Variants in EPB41L2 observed in about 807,000 individuals in gnomAD.
EPB41L2 encodes the protein erythrocyte membrane protein band 4.1 like 2.
EPB41L2 carries 43 observed loss-of-function variants against 113.0 expected under a neutral mutation model. That is an observed-to-expected ratio of 0.38 (90% CI 0.30 to 0.49). EPB41L2 has a LOEUF of 0.49. Among genes scored for constraint, EPB41L2 ranks in the 20% least tolerant of loss-of-function variants. EPB41L2 has a pLI of 0.95. For synonymous variants in EPB41L2, 442 were observed against 436.7 expected, an observed-to-expected ratio of 1.01 and a Z score of -0.15; for missense variants, 1,147 against 1,223.4, an observed-to-expected ratio of 0.94 and a Z score of 0.93.
chr6:131,060,144 C>A (rs770331325), intron 1 of EPB41L2, among the ~76,000 whole-genome samples: 3 of 152,170 alleles, frequency 2.0e-5, no homozygotes, highest in Non-Finnish European at 4.4e-5. Context: ...TACAGGCGTG[C>A]GCCACCATGC....
In EPB41L2 at chr6:130,956,635, T is replaced by C. The variant is rs973690055; in HGVS notation, c.-14-136A>G. 1.3e-5 allele frequency: 11 copies of C among 840,306 alleles called. No individual in the cohort carries two copies. The African/African-American group carries it at 1.7e-4, about 13-fold the overall frequency. The allele number at this position is 840,306 out of a possible 1,614,324, so 52.1% of individuals were successfully genotyped here. ...GGAGAAAGCACATCAAGAAAGAAGATTCAAAAGCACAAGACAAAATGGAGA... is the reference window on the plus strand; with the variant it reads ...GGAGAAAGCACATCAAGAAAGAAGACTCAAAAGCACAAGACAAAATGGAGA... On this transcript the variant is annotated intron_variant, in intron 1 of 19. Transcript: ENST00000337057.
At position 130,899,529 on chromosome 6, in the gene EPB41L2, T is replaced by A; in HGVS notation, c.1198A>T (p.Arg400Trp). ...ADSQFLENAK[R>W]LSMYGVDLHH... ...AGGTCAACACCATACATGGAAAGCC[T>A]CTTTGCATTTTCTAAGAACTGGGAA... Residue 400 changes from arginine (R) to tryptophan (W), a missense_variant, in exon 8 of 20, where the codon AGG (arginine) becomes TGG (tryptophan). Transcript: ENST00000337057. 6.2e-7 allele frequency: 1 copy of A among 1,614,010 alleles called. No homozygotes were observed. Among genetic ancestry groups the A allele is most frequent in the Non-Finnish European group, 8.5e-7 (1 of 1,179,876 alleles).
chr6:131,024,524 T>C (rs2007339), intron 1 of EPB41L2, among the ~76,000 whole-genome samples: 121,650 of 152,098 alleles, frequency 0.8, 49,043 homozygotes, highest in African/African-American at 0.88. Context: ...CAAAGCACCA[T>C]ATCAACCACA....
At chr6:130,958,768 G>T (rs1264351660) in intron 1 of EPB41L2, among the ~76,000 whole-genome samples, 2 of 152,162 alleles carry the variant, frequency 1.3e-5, no homozygotes, top group African/African-American at 4.8e-5. Flanking sequence ...TAATAATGAA[G>T]TAAGAAAGGA....
chr6:130,951,845 G>C (rs1815227700), intron 3 of EPB41L2, among the ~76,000 whole-genome samples: 1 of 151,752 alleles, frequency 6.6e-6, no homozygotes. Flanking sequence ...CTGTAGTATG[G>C]TTCTACCATG....
Position 130,955,434 on chromosome 6 carries a change from C to G in EPB41L2, c.493-117G>C. On this transcript the variant is annotated intron_variant, in intron 2 of 19. Transcript: ENST00000337057. ...TCGTTACTTTAAACACTGTAACTTT[C>G]AGATTTTTAAAGACTTGAAAATTCC... 3.0e-6 allele frequency: 3 copies of G among 1,010,088 alleles called. No individual in the cohort carries two copies. In the South Asian group the frequency reaches 4.9e-5, roughly 16 times the overall value. The allele number at this position is 1,010,088 out of a possible 1,614,324, so 62.6% of individuals were successfully genotyped here. A position where few individuals can be genotyped will look rare whatever the true frequency, so the allele number is the denominator to read the frequency against.
intron 7 of EPB41L2, 143 bp from the exon 8 acceptor site, chr6:130,899,721 A>T (rs1229902659): frequency 1.5e-6 from 1 of 678,090 alleles, no homozygotes; most frequent in Non-Finnish European, 2.5e-6. Flanking sequence ...AATGGTAAGA[A>T]AACAACTCTC....
At chr6:131,031,315 C>A (rs1792108408) in intron 1 of EPB41L2, among the ~76,000 whole-genome samples, 1 of 151,228 alleles carries the variant, frequency 6.6e-6, no homozygotes. Flanking sequence ...TTTAAAAAGC[C>A]ATAATAGAGT....
At chr6:130,951,312 C>CTATTTTTTTTTTTTTTT (rs1814949654) in intron 3 of EPB41L2, among the ~76,000 whole-genome samples, 1 of 50,818 alleles carries the variant, frequency 2.0e-5, no homozygotes, top group Non-Finnish European at 3.1e-5. Flanking sequence ...AGCCTCAGTA[C>CTATTTTTTTTTTTTTTT]TTTTTTTTTT....
At chr6:130,895,142 C>T (rs1045720918) in intron 8 of EPB41L2, 23 bp from the exon 9 acceptor site, 3 of 1,591,616 alleles carry the variant, frequency 1.9e-6, no homozygotes, top group African/African-American at 2.7e-5. Flanking sequence ...ACCCAATTAA[C>T]CATGGTTAAG....
chr6:130,927,122 T>C (rs75175872), intron 3 of EPB41L2, among the ~76,000 whole-genome samples: 6,968 of 152,262 alleles, frequency 0.046, 237 homozygotes, highest in East Asian at 0.12. Context: ...TAACATAATT[T>C]ATCCTATCAA....
Position 130,906,617 on chromosome 6 carries a change from A to G in EPB41L2, c.854-2077T>C, listed in dbSNP as rs1797804484. On this transcript the variant is annotated intron_variant, in intron 5 of 19. Transcript: ENST00000337057. ...AAGCCTTAGACATATAGTCTTATTT[A>G]TGTTTCAGAAAATAAAGGTTTTAAG... Among the ~76,000 whole-genome samples, 4 of 152,300 alleles carry G rather than the reference A, an allele frequency of 2.6e-5. No homozygotes were observed. The South Asian group carries it at 8.3e-4, about 32-fold the overall frequency.
At chr6:130,915,740 C>A (rs1033807396) in intron 4 of EPB41L2, among the ~76,000 whole-genome samples, 1 of 152,176 alleles carries the variant, frequency 6.6e-6, no homozygotes, top group Non-Finnish European at 1.5e-5. Flanking sequence ...GGGGGCAGAT[C>A]TTCATGCTGT....
In EPB41L2 at chr6:130,972,937, C is replaced by CAAAAAAAAAAAAAAAAAAAAAAA. The variant is rs57293132; in HGVS notation, c.-14-16461_-14-16439dup. ...TGAAACCCCATCTCTACTAAAGATA[C>CAAAAAAAAAAAAAAAAAAAAAAA]AAAAAAAAAAAAAAAAAAAAAAAAA... is the stretch of plus-strand genomic sequence containing the variant. On this transcript the variant is annotated intron_variant, in intron 1 of 19. Coordinates refer to ENST00000337057, the MANE Select transcript of EPB41L2 (RefSeq NM_001431.4). Among the ~76,000 whole-genome samples, 20 of 59,514 alleles carry CAAAAAAAAAAAAAAAAAAAAAAA rather than the reference C, an allele frequency of 3.4e-4. 2 individuals are homozygous for CAAAAAAAAAAAAAAAAAAAAAAA. Among genetic ancestry groups the CAAAAAAAAAAAAAAAAAAAAAAA allele is most frequent in the South Asian group, 8.1e-4 (1 of 1,228 alleles). 39.0% of individuals were successfully genotyped at this position (59,514 alleles called of 152,430 possible). A position where few individuals can be genotyped will look rare whatever the true frequency, so the allele number is the denominator to read the frequency against.
chr6:130,900,329 G>A (rs997464335), intron 7 of EPB41L2, among the ~76,000 whole-genome samples: 2 of 152,106 alleles, frequency 1.3e-5, no homozygotes, highest in African/African-American at 4.8e-5. Flanking sequence ...TAATAAAACT[G>A]TAATTTTGCA....
chr6:130,848,199 TCACACACACACACACA>T (rs66469665), intron 19 of EPB41L2, among the ~76,000 whole-genome samples: 1,522 of 113,506 alleles, frequency 0.013, 10 homozygotes, highest in Non-Finnish European at 0.019. Context: ...TCTCTCTCTC[TCACACACACACACACA>T]CACACACACA....
rs181642739 is a variant in EPB41L2 at position 131,000,353 on chromosome 6, C to T, written c.-14-43854G>A. 2.0e-4 allele frequency among the ~76,000 whole-genome samples: 31 copies of T among 152,234 alleles called. No individual in the cohort carries two copies. The South Asian group carries it at 3.7e-3, about 18-fold the overall frequency. The stretch of plus-strand genomic sequence containing the variant: ...CAACTGAGGCATAAAACAAGAAATC[C>T]GCTCTTATTGTTTTCTTCTGCACCC... On this transcript the variant is annotated intron_variant, in intron 1 of 19. Transcript: ENST00000337057.
At chr6:130,986,701 T>C (rs1431079066) in intron 1 of EPB41L2, among the ~76,000 whole-genome samples, 1 of 152,058 alleles carries the variant, frequency 6.6e-6, no homozygotes, top group Non-Finnish European at 1.5e-5. Flanking sequence ...TTCTCCTGCC[T>C]CAGCCTCCCG....
chr6:131,043,280 G>A (rs957929691), intron 1 of EPB41L2, among the ~76,000 whole-genome samples: 1 of 152,018 alleles, frequency 6.6e-6, no homozygotes, highest in African/African-American at 2.4e-5. Flanking sequence ...CAGCCTGGGT[G>A]ACAGAGTAAG....
Sources: allele counts gnomAD v4.1 joint callset (sites outside exome capture counted in the v4.1 genomes callset), GRCh38; gene constraint gnomAD v4.1.1; transcripts MANE v1.5; gene names NCBI Gene and HGNC (gene_info 2026-07-23, HGNC 2026-07-21).